MYH16: variants seen among roughly 807,000 people sequenced by gnomAD.
MYH16 encodes the protein putative uncharacterized protein MYH16.
intron 30 of MYH16, 91 bp downstream of exon 11, chr7:99,289,495 G>T (rs1792338155): frequency 4.6e-6 from 1 of 218,354 alleles, no homozygotes. Flanking sequence ...GGCCTTGGAA[G>T]ATTCCCGTCC....
At chr7:99,265,851 G>A (rs545954967) in intron 17 of MYH16, among the ~76,000 whole-genome samples, 12 of 152,342 alleles carry the variant, frequency 7.9e-5, no homozygotes, top group Non-Finnish European at 1.0e-4. Context: ...GATTGGGCAT[G>A]TTCAGGGTGG....
intron 2 of MYH16, among the ~76,000 whole-genome samples, chr7:99,245,216 CTT>C (rs766277876): frequency 5.3e-5 from 8 of 152,214 alleles, no homozygotes; most frequent in Non-Finnish European, 1.2e-4. Flanking sequence ...TTCATCGTCT[CTT>C]TGCCTTTTTT....
At chr7:99,273,615 C>T (rs559701604) in intron 20 of MYH16, among the ~76,000 whole-genome samples, 192 bp downstream of exon 2, 5 of 152,046 alleles carry the variant, frequency 3.3e-5, no homozygotes, top group Non-Finnish European at 5.9e-5. Context: ...AATCATGGGG[C>T]GGGCACAGTG....
intron 2 of MYH16, among the ~76,000 whole-genome samples, chr7:99,247,276 G>A (rs1791744433): frequency 6.6e-6 from 1 of 152,158 alleles, no homozygotes; most frequent in Non-Finnish European, 1.5e-5. Context: ...AGGTTCAAGC[G>A]ATTCTCCTGC....
chr7:99,284,768 C>T (rs1392197512), intron 25 of MYH16, 77 bp from the exon 8 acceptor site: 2 of 448,934 alleles, frequency 4.5e-6, no homozygotes, highest in South Asian at 1.6e-5. Flanking sequence ...CCTCTGGCAG[C>T]CCAGGCGACA....
chr7:99,250,866 C>T (rs1455418832), intron 5 of MYH16, among the ~76,000 whole-genome samples: 1 of 152,170 alleles, frequency 6.6e-6, no homozygotes. Context: ...CCCAGGTGCC[C>T]CTCCCAGTGT....
intron 41 of MYH16, among the ~76,000 whole-genome samples, chr7:99,306,380 T>C (rs969196526): frequency 4.6e-5 from 7 of 151,738 alleles, no homozygotes; most frequent in African/African-American, 1.7e-4. Context: ...ATACAAAAAT[T>C]AGTCAGGCGT....
chr7:99,276,008 G>A (rs554536840), intron 20 of MYH16, among the ~76,000 whole-genome samples: 4 of 152,332 alleles, frequency 2.6e-5, no homozygotes, highest in East Asian at 1.9e-4. Context: ...GATTACAGGC[G>A]TGAGCCACTG....
intron 37 of MYH16, among the ~76,000 whole-genome samples, chr7:99,301,251 C>T (rs1294743801): frequency 1.3e-5 from 2 of 148,562 alleles, no homozygotes; most frequent in African/African-American, 5.0e-5. Flanking sequence ...CAGAAGAGAG[C>T]GGAGCATCAG....
chr7:99,253,169 AG>A (rs1791830894), intron 7 of MYH16: 1 of 151,964 alleles, frequency 6.6e-6, no homozygotes, highest in East Asian at 1.9e-4. Flanking sequence ...CAGGAGGCTA[AG>A]GCAAGAGGAT....
intron 5 of MYH16, among the ~76,000 whole-genome samples, chr7:99,250,671 G>A (rs1336112446): frequency 6.6e-6 from 1 of 152,148 alleles, no homozygotes; most frequent in Non-Finnish European, 1.5e-5. Flanking sequence ...GAGCCCAGGA[G>A]TTGGAGGCTG....
chr7:99,271,966 G>A (rs1437020430), intron 19 of MYH16, among the ~76,000 whole-genome samples: 3 of 152,268 alleles, frequency 2.0e-5, no homozygotes, highest in East Asian at 1.9e-4. Context: ...CAAAGTGTTA[G>A]GATTACAGGC....
intron 20 of MYH16, among the ~76,000 whole-genome samples, chr7:99,273,884 A>C (rs1424614086): frequency 6.6e-6 from 1 of 151,590 alleles, no homozygotes; most frequent in African/African-American, 2.4e-5. Context: ...AAAGGAAGGG[A>C]GAGATGAAAG....
chr7:99,292,283 ACGGGC>A (rs1316331244), intron 31 of MYH16, 24 bp from the exon 13 acceptor site: 1 of 450,950 alleles, frequency 2.2e-6, no homozygotes, highest in Admixed American at 2.4e-5. Context: ...GAAAGCCCCC[ACGGGC>A]GCCTGACAGG....
Position 99,291,469 on chromosome 7 carries a change from T to C in MYH16, n.3952+19T>C. The C allele has an allele frequency of 2.2e-6, 1 of 456,046 alleles. No individual in the cohort carries two copies. The highest frequency in any genetic ancestry group is 1.5e-5 in the South Asian group (1 of 64,534). 28.2% of individuals were successfully genotyped at this position (456,046 alleles called of 1,614,324 possible). A position where few individuals can be genotyped will look rare whatever the true frequency, so the allele number is the denominator to read the frequency against. ...GTCAAAGGTTTGTTTGGACGTGGGG[T>C]TGCGGTGGAGACAGAGCTGCCGCCT... On this transcript the variant is annotated intron_variant and non_coding_transcript_variant, in intron 31 of 41. Coordinates refer to ENST00000439784, the Ensembl canonical transcript of MYH16.
intron 38 of MYH16, among the ~76,000 whole-genome samples, chr7:99,302,133 G>A (rs367585743): frequency 1.7e-4 from 25 of 151,364 alleles, no homozygotes; most frequent in East Asian, 1.2e-3. Context: ...ATGAAACCCC[G>A]TCTCTACTAA....
intron 8 of MYH16, among the ~76,000 whole-genome samples, chr7:99,254,580 A>G (rs1418140585): frequency 6.6e-6 from 1 of 152,214 alleles, no homozygotes; most frequent in Non-Finnish European, 1.5e-5. Flanking sequence ...CCAGGCACAC[A>G]GCTCAGAAAG....
chr7:99,257,171 G>T (rs1032524331), intron 9 of MYH16: 3 of 152,500 alleles, frequency 2.0e-5, no homozygotes, highest in Non-Finnish European at 4.4e-5. Flanking sequence ...TGTTCAGGGG[G>T]TGTCCAACTC....
rs895084707 is a variant in MYH16 at position 99,298,085 on chromosome 7, G to A, written n.4740+90G>A. 20 of 423,656 alleles carry A rather than the reference G, an allele frequency of 4.7e-5. No individual in the cohort carries two copies. In the Middle Eastern group the frequency reaches 2.1e-3, roughly 44 times the overall value. The allele number at this position is 423,656 out of a possible 1,614,324, so 26.2% of individuals were successfully genotyped here. A position where few individuals can be genotyped will look rare whatever the true frequency, so the allele number is the denominator to read the frequency against. On this transcript the variant is annotated intron_variant and non_coding_transcript_variant, in intron 36 of 41. Transcript: ENST00000439784. ...CCAGTCTCTTCCACCTACTAGTCGC[G>A]TGACGTTGGGCAATTCAGGTGAACC...
Sources: gnomAD v4.1 joint callset for allele counts (sites outside exome capture counted in the v4.1 genomes callset) on GRCh38, gnomAD v4.1.1 for gene constraint, MANE v1.5 for transcripts, NCBI Gene and HGNC (gene_info 2026-07-23, HGNC 2026-07-21) for gene names.